Variants in PRKAR1A observed in about 807,000 individuals in gnomAD.
PRKAR1A encodes the protein cAMP-dependent protein kinase type I-alpha regulatory subunit.
Under a neutral mutation model 52.0 loss-of-function variants are expected in PRKAR1A, and 3 were observed. The observed-to-expected ratio is 0.06, with a 90% confidence interval of 0.03 to 0.15. PRKAR1A has a LOEUF of 0.15. PRKAR1A is among the 10% of genes least tolerant of loss of function. The pLI is 1.00. For synonymous variants in PRKAR1A, 188 were observed against 168.4 expected, an observed-to-expected ratio of 1.12 and a Z score of -0.90; for missense variants, 240 against 477.4, an observed-to-expected ratio of 0.50 and a Z score of 4.63.
At chr17:68,429,927 T>C in the PRKAR1A span, 1 of 1,602,300 alleles carries the variant, frequency 6.2e-7, no homozygotes, top group Non-Finnish European at 8.5e-7. Flanking sequence ...GGTTTGGGGA[T>C]TTTTGTGCTT....
In PRKAR1A at chr17:68,530,712, TG is replaced by T; in HGVS notation, c.*266del. On this transcript the variant is annotated 3_prime_UTR_variant, in exon 11 of 11. Transcript: ENST00000589228. The stretch of plus-strand genomic sequence containing the variant: ...CTTTGTGCAGTGTTAGTATTCACCC[TG>T]GGCAGTGAGTGCCATGCTTTTTGGT... The T allele has an allele frequency of 7.3e-7, 1 of 1,370,044 alleles. No individual in the cohort carries two copies. The highest frequency in any genetic ancestry group is 9.5e-7 in the Non-Finnish European group (1 of 1,057,970). 84.9% of individuals were successfully genotyped at this position (1,370,044 alleles called of 1,614,324 possible). A position where few individuals can be genotyped will look rare whatever the true frequency, so the allele number is the denominator to read the frequency against.
At chr17:68,425,382 CT>C in the PRKAR1A span, among the ~76,000 whole-genome samples, 60,671 of 131,842 alleles carry the variant, frequency 0.46, 13,672 homozygotes, top group Admixed American at 0.56. Context: ...TTTTTCTTTT[CT>C]TTTTTTTTTT....
At chr17:68,537,242 T>A, downstream of PRKAR1A, 1 of 678,176 alleles carries the variant, frequency 1.5e-6, no homozygotes, top group Non-Finnish European at 2.7e-6. The surrounding 1 kb of genome is among the most constrained non-coding windows in gnomAD (Gnocchi z 4.2). Flanking sequence ...GTGGCCTTGA[T>A]GAAGCCAGTG....
the PRKAR1A span, among the ~76,000 whole-genome samples, chr17:68,454,846 C>T: frequency 6.6e-6 from 1 of 152,148 alleles, no homozygotes; most frequent in South Asian, 2.1e-4. Flanking sequence ...AACATAAGCC[C>T]TGCTCCTGGA....
At chr17:68,438,140 C>T in the PRKAR1A span, among the ~76,000 whole-genome samples, 1 of 152,154 alleles carries the variant, frequency 6.6e-6, no homozygotes, top group African/African-American at 2.4e-5. Context: ...TCATTTCCTG[C>T]TCTGGCTTTG....
intron 2 of PRKAR1A, among the ~76,000 whole-genome samples, chr17:68,522,491 G>A (rs375308571): frequency 1.3e-5 from 2 of 152,176 alleles, no homozygotes; most frequent in African/African-American, 4.8e-5. Flanking sequence ...TTACTCACAT[G>A]TTATGTGAGT....
the PRKAR1A span, chr17:68,414,220 C>T: frequency 1.3e-5 from 2 of 152,194 alleles, no homozygotes; most frequent in African/African-American, 4.8e-5. Flanking sequence ...GAGTTTTAAT[C>T]ATAAAGCGAT....
downstream of PRKAR1A, chr17:68,537,501 AGAGTCTG>A (rs752291813): frequency 4.3e-6 from 7 of 1,613,932 alleles, no homozygotes; most frequent in Admixed American, 1.2e-4. The surrounding 1 kb of genome is among the most constrained non-coding windows in gnomAD (Gnocchi z 4.2). Context: ...TAGCCTGGCC[AGAGTCTG>A]GGGCCAACTG....
chr17:68,475,513 G>T, the PRKAR1A span, among the ~76,000 whole-genome samples: 1 of 152,018 alleles, frequency 6.6e-6, no homozygotes, highest in African/African-American at 2.4e-5. Flanking sequence ...GCCCAGGTTG[G>T]AGTGCAGTGG....
At chr17:68,427,306 TA>T in the PRKAR1A span, 1 of 1,334,816 alleles carries the variant, frequency 7.5e-7, no homozygotes, top group Non-Finnish European at 1.1e-6. Context: ...ATCATATATC[TA>T]GGACACCTTC....
chr17:68,484,481 C>T, the PRKAR1A span, among the ~76,000 whole-genome samples: 10 of 145,876 alleles, frequency 6.9e-5, no homozygotes, highest in Admixed American at 2.0e-4. Context: ...TGTATTCCAT[C>T]GGGTTTTCTA....
the PRKAR1A span, among the ~76,000 whole-genome samples, chr17:68,433,763 T>G: frequency 0.3 from 5,306 of 17,602 alleles, 47 homozygotes; most frequent in South Asian, 0.4. Flanking sequence ...GGTCATAGTT[T>G]TTTTTTTTTT....
At chr17:68,438,601 T>C in the PRKAR1A span, among the ~76,000 whole-genome samples, 2 of 152,172 alleles carry the variant, frequency 1.3e-5, no homozygotes, top group Admixed American at 6.5e-5. Flanking sequence ...TCAGCACATA[T>C]GTTTTGCTTT....
the PRKAR1A span, among the ~76,000 whole-genome samples, chr17:68,467,521 A>G: frequency 6.6e-6 from 1 of 152,184 alleles, no homozygotes; most frequent in African/African-American, 2.4e-5. Context: ...GCAAACTGCA[A>G]ACCCTTGGGA....
At chr17:68,492,264 C>A in the PRKAR1A span, among the ~76,000 whole-genome samples, 1 of 152,054 alleles carries the variant, frequency 6.6e-6, no homozygotes, top group South Asian at 2.1e-4. Context: ...TGGGAAAGAG[C>A]CGATCTTATT....
chr17:68,548,462 A>G (rs12952837), intron 11 of PRKAR1A, among the ~76,000 whole-genome samples: 29,943 of 151,802 alleles, frequency 0.2, 3,119 homozygotes, highest in African/African-American at 0.26. Flanking sequence ...CCCAGGAGGC[A>G]GAGGTTGCAG....
At chr17:68,433,800 A>T in the PRKAR1A span, among the ~76,000 whole-genome samples, 10 of 48,294 alleles carry the variant, frequency 2.1e-4, no homozygotes, top group East Asian at 1.2e-3. Context: ...TTTTTTTTTG[A>T]GACAGAGTCT....
the PRKAR1A span, among the ~76,000 whole-genome samples, chr17:68,460,890 C>T: frequency 1.3e-5 from 2 of 152,122 alleles, no homozygotes; most frequent in African/African-American, 4.8e-5. Flanking sequence ...ATATAAAAAG[C>T]CAAGGGCAAG....
At chr17:68,489,836 G>A in the PRKAR1A span, among the ~76,000 whole-genome samples, 66 of 152,272 alleles carry the variant, frequency 4.3e-4, no homozygotes, top group African/African-American at 1.6e-3. Context: ...GATTATAGGC[G>A]TGAGGCACCA....
Sources: gnomAD v4.1 joint callset for allele counts (sites outside exome capture counted in the v4.1 genomes callset) on GRCh38, gnomAD v4.1.1 for gene constraint, Gnocchi (gnomAD v3.1) non-coding constraint, MANE v1.5 for transcripts, NCBI Gene and HGNC (gene_info 2026-07-23, HGNC 2026-07-21) for gene names.